The following OPCML variants were observed in gnomAD, a reference collection of about 807,000 sequenced individuals.
The protein encoded by OPCML is opioid-binding protein/cell adhesion molecule.
In OPCML, 13 loss-of-function variants were observed where a neutral mutation model predicts 37.8. The observed-to-expected ratio is 0.34, with a 90% CI of 0.22 to 0.55. The LOEUF (loss-of-function observed/expected upper bound fraction) is 0.55. OPCML is among the 20% of genes least tolerant of loss of function. The probability of loss-of-function intolerance (pLI) is 0.91; values close to 1 mark genes in which losing one functional copy is unlikely to be tolerated. For synonymous variants in OPCML, 176 were observed against 168.8 expected, an observed-to-expected ratio of 1.04 and a Z score of -0.33; for missense variants, 341 against 435.6, an observed-to-expected ratio of 0.78 and a Z score of 1.93.
intron 3 of OPCML, among the ~76,000 whole-genome samples, chr11:132,611,171 C>A (rs1392455168): frequency 6.6e-6 from 1 of 152,136 alleles, no homozygotes; most frequent in East Asian, 1.9e-4. Context: ...GGGGTGGTTG[C>A]CATTTCTAAC....
intron 3 of OPCML, among the ~76,000 whole-genome samples, chr11:132,646,508 A>T (rs970212927): frequency 2.0e-5 from 3 of 152,140 alleles, no homozygotes; most frequent in Non-Finnish European, 2.9e-5. Flanking sequence ...GTTAAAATGA[A>T]TTATAGGGCG....
At chr11:132,429,511 G>A (rs982950941) in intron 7 of OPCML, among the ~76,000 whole-genome samples, 18 of 152,178 alleles carry the variant, frequency 1.2e-4, no homozygotes, top group African/African-American at 4.1e-4. Context: ...AGAGATTCTA[G>A]AGAGTGTGCA....
Position 132,432,807 on chromosome 11 carries a change from A to T in OPCML, c.916+3279T>A, listed in dbSNP as rs2096001715. On this transcript the variant is annotated intron_variant, in intron 7 of 7. Coordinates refer to ENST00000524381, the MANE Select transcript of OPCML (RefSeq NM_001012393.5). ...AACTTTTGAAATATTAAACAAAAAC[A>T]AAATTACAACTAGAAGATAAAGTCT... 2.6e-5 allele frequency among the ~76,000 whole-genome samples: 4 copies of T among 152,240 alleles called. No individual in the cohort carries two copies. The South Asian group carries it at 8.3e-4, about 31-fold the overall frequency.
intron 1 of OPCML, among the ~76,000 whole-genome samples, chr11:133,333,008 A>G (rs1943655517): frequency 6.6e-6 from 1 of 152,166 alleles, no homozygotes; most frequent in Non-Finnish European, 1.5e-5. Flanking sequence ...AAAGCAGCAT[A>G]TCCACAACTA....
At chr11:132,902,853 T>TA (rs894850269) in intron 2 of OPCML, among the ~76,000 whole-genome samples, 19 of 152,244 alleles carry the variant, frequency 1.2e-4, no homozygotes, top group Middle Eastern at 3.4e-3. Flanking sequence ...CACACCCAGA[T>TA]AGACTTTTCA....
At chr11:132,787,704 A>T (rs1947264429) in intron 2 of OPCML, among the ~76,000 whole-genome samples, 1 of 152,196 alleles carries the variant, frequency 6.6e-6, no homozygotes, top group South Asian at 2.1e-4. Context: ...TCTAAATGTT[A>T]AAGTTCTTTA....
chr11:133,146,312 C>CTTT (rs869237328), intron 1 of OPCML, among the ~76,000 whole-genome samples: 3 of 128,742 alleles, frequency 2.3e-5, no homozygotes, highest in Admixed American at 7.8e-5. Flanking sequence ...TCCATCTTTT[C>CTTT]TTTTTTTTTT....
chr11:133,187,316 A>G (rs1938126425), intron 1 of OPCML, among the ~76,000 whole-genome samples: 2 of 151,934 alleles, frequency 1.3e-5, no homozygotes. Context: ...TAGTCTCTTC[A>G]AAGTTGCCTC....
chr11:132,929,142 G>GA (rs1419133094), intron 2 of OPCML, among the ~76,000 whole-genome samples: 2 of 150,968 alleles, frequency 1.3e-5, no homozygotes, highest in Admixed American at 6.6e-5. Context: ...TGGGAAAATA[G>GA]AAAAAAATCA....
At chr11:133,146,747 C>T (rs758088511) in intron 1 of OPCML, among the ~76,000 whole-genome samples, 2 of 152,190 alleles carry the variant, frequency 1.3e-5, no homozygotes, top group Non-Finnish European at 2.9e-5. Flanking sequence ...AGGCATGAAC[C>T]ACCACGCCGG....
At chr11:132,434,253 G>A (rs756117482) in intron 7 of OPCML, among the ~76,000 whole-genome samples, 1 of 152,210 alleles carries the variant, frequency 6.6e-6, no homozygotes, top group Admixed American at 6.5e-5. Flanking sequence ...ATCAAGAGCT[G>A]TGAGCAGTGA....
chr11:133,204,555 C>T (rs949523875), intron 1 of OPCML, among the ~76,000 whole-genome samples: 12 of 152,302 alleles, frequency 7.9e-5, no homozygotes, highest in African/African-American at 7.2e-5. Context: ...AAACCCACAA[C>T]AGAACTATGC....
chr11:133,434,147 A>T (rs1415571544), intron 1 of OPCML, among the ~76,000 whole-genome samples: 1 of 152,178 alleles, frequency 6.6e-6, no homozygotes, highest in East Asian at 1.9e-4. Flanking sequence ...TTGAGGAGAA[A>T]TTACCTTTAT....
At chr11:132,622,377 C>T (rs1336105601) in intron 3 of OPCML, among the ~76,000 whole-genome samples, 1 of 151,982 alleles carries the variant, frequency 6.6e-6, no homozygotes, top group Non-Finnish European at 1.5e-5. Flanking sequence ...AGCGTGGAAA[C>T]CTGTATAAAG....
In OPCML at chr11:132,475,309, G is replaced by A. The variant is rs190297821; in HGVS notation, c.506-37950C>T. 6.1e-4 allele frequency among the ~76,000 whole-genome samples: 93 copies of A among 152,288 alleles called. 1 individual carries two copies. Among genetic ancestry groups the A allele is most frequent in the South Asian group, 3.7e-3 (18 of 4,824 alleles). ...CAGAAACAAAGGAGTTATTCGGAGC[G>A]ATTTTAAAATGTGTGCTATACATGG... is the stretch of plus-strand genomic sequence containing the variant. On this transcript the variant is annotated intron_variant, in intron 4 of 7. Transcript: ENST00000524381.
chr11:133,287,034 A>C (rs936226152), intron 1 of OPCML, among the ~76,000 whole-genome samples: 2 of 152,148 alleles, frequency 1.3e-5, no homozygotes, highest in African/African-American at 4.8e-5. Flanking sequence ...AGAAGTTGAG[A>C]TACAAAGAGA....
At chr11:132,687,166 A>G (rs1943193687) in intron 2 of OPCML, among the ~76,000 whole-genome samples, 1 of 151,730 alleles carries the variant, frequency 6.6e-6, no homozygotes, top group African/African-American at 2.4e-5. Context: ...TTACTCTCTC[A>G]TATGTATTAC....
At chr11:132,562,341 G>C (rs2096412499) in intron 3 of OPCML, among the ~76,000 whole-genome samples, 1 of 151,774 alleles carries the variant, frequency 6.6e-6, no homozygotes, top group Non-Finnish European at 1.5e-5. Context: ...AAAAAAAAAA[G>C]TCTAGTATGA....
intron 1 of OPCML, among the ~76,000 whole-genome samples, chr11:133,403,609 C>T (rs1945458718): frequency 6.6e-6 from 1 of 152,114 alleles, no homozygotes; most frequent in African/African-American, 2.4e-5. Flanking sequence ...TAGGAGATTA[C>T]CCTTTTATGG....
Sources: allele counts gnomAD v4.1 joint callset (sites outside exome capture counted in the v4.1 genomes callset), GRCh38; gene constraint gnomAD v4.1.1; transcripts MANE v1.5; gene names NCBI Gene and HGNC (gene_info 2026-07-23, HGNC 2026-07-21).